XKR9: variants seen among roughly 807,000 people sequenced by gnomAD.
The protein encoded by XKR9 is XK-related protein 9.
XKR9 carries 32 observed loss-of-function variants against 32.0 expected under a neutral mutation model. The ratio of observed to expected loss-of-function variants is 1.00; its 90% CI spans 0.76 to 1.34. The LOEUF (loss-of-function observed/expected upper bound fraction) is 1.34. Among genes scored for constraint, XKR9 ranks in the 40% most tolerant of loss-of-function variants. The pLI, the probability that XKR9 is intolerant of heterozygous loss-of-function variation, is 0.00. For missense variants in XKR9, 546 were observed against 429.7 expected (o/e 1.27, Z -2.39); for synonymous variants, 168 against 143.4 (o/e 1.17, Z -1.22).
chr8:70,918,492 G>A, the XKR9 span, among the ~76,000 whole-genome samples: 1 of 152,114 alleles, frequency 6.6e-6, no homozygotes, highest in Non-Finnish European at 1.5e-5. Flanking sequence ...GTATAAGACA[G>A]TGCAACTGGG....
the XKR9 span, among the ~76,000 whole-genome samples, chr8:70,983,085 C>A: frequency 6.6e-6 from 1 of 152,200 alleles, no homozygotes; most frequent in Non-Finnish European, 1.5e-5. Flanking sequence ...AGTCAGATAG[C>A]AAAGTTTAGA....
downstream of XKR9, among the ~76,000 whole-genome samples, chr8:70,738,918 G>T (rs530915031): frequency 1.3e-5 from 2 of 152,152 alleles, no homozygotes; most frequent in East Asian, 3.8e-4. Flanking sequence ...AATAGGTGTG[G>T]TGTGGTACTG....
chr8:70,822,245 T>C, the XKR9 span, among the ~76,000 whole-genome samples: 1 of 152,162 alleles, frequency 6.6e-6, no homozygotes, highest in Non-Finnish European at 1.5e-5. Flanking sequence ...TTTATTTTTT[T>C]ATCCGGGCAA....
chr8:70,815,030 G>A, the XKR9 span, among the ~76,000 whole-genome samples: 8 of 152,156 alleles, frequency 5.3e-5, no homozygotes, highest in East Asian at 1.9e-4. Context: ...TAGTTTATTT[G>A]TGTAGATAAA....
the XKR9 span, among the ~76,000 whole-genome samples, chr8:70,805,760 C>T: frequency 6.6e-6 from 1 of 152,172 alleles, no homozygotes; most frequent in African/African-American, 2.4e-5. Context: ...TCTCCCTGGG[C>T]CTGAGCCCCT....
At chr8:70,786,049 C>A (rs78977674) in intron 2 of XKR9, among the ~76,000 whole-genome samples, 2,331 of 151,864 alleles carry the variant, frequency 0.015, 23 homozygotes, top group Non-Finnish European at 0.025. Context: ...TTGTTCAGGA[C>A]CATGTTGTTT....
the XKR9 span, among the ~76,000 whole-genome samples, chr8:70,896,129 T>G: frequency 4.6e-5 from 7 of 152,340 alleles, no homozygotes; most frequent in African/African-American, 1.7e-4. Context: ...TTGTTGAGGA[T>G]TTATACATCT....
chr8:70,682,556 A>G (rs1011050336), intron 3 of XKR9, among the ~76,000 whole-genome samples: 2 of 152,206 alleles, frequency 1.3e-5, no homozygotes, highest in Non-Finnish European at 2.9e-5. Flanking sequence ...TTGATTGAAT[A>G]TTACACATTG....
At chr8:70,749,932 A>G (rs1279530238) in intron 2 of XKR9, among the ~76,000 whole-genome samples, 1 of 152,216 alleles carries the variant, frequency 6.6e-6, no homozygotes, top group African/African-American at 2.4e-5. Flanking sequence ...GAGACTGTTA[A>G]ATACAAGTAG....
chr8:70,966,093 C>A, the XKR9 span, among the ~76,000 whole-genome samples: 12 of 151,880 alleles, frequency 7.9e-5, no homozygotes, highest in African/African-American at 2.9e-4. Context: ...TAGCTGTATC[C>A]CAGAGGTTCT....
the XKR9 span, among the ~76,000 whole-genome samples, chr8:70,903,441 T>C: frequency 4.6e-5 from 7 of 152,208 alleles, no homozygotes; most frequent in Admixed American, 3.9e-4. Flanking sequence ...GTTTATAGTA[T>C]TCTCTGATGG....
intron 2 of XKR9, among the ~76,000 whole-genome samples, chr8:70,675,742 C>T (rs1314622155): frequency 6.6e-6 from 1 of 152,220 alleles, no homozygotes; most frequent in Non-Finnish European, 1.5e-5. Flanking sequence ...TGCTCCACTT[C>T]TGAATAAGTT....
At chr8:70,940,630 C>T in the XKR9 span, among the ~76,000 whole-genome samples, 1 of 152,040 alleles carries the variant, frequency 6.6e-6, no homozygotes, top group Non-Finnish European at 1.5e-5. Flanking sequence ...GCCTCTGTTT[C>T]TCTCAGCATC....
intron 4 of XKR9, among the ~76,000 whole-genome samples, chr8:70,717,078 A>C (rs1052642925): frequency 6.6e-6 from 1 of 152,192 alleles, no homozygotes; most frequent in Non-Finnish European, 1.5e-5. Context: ...CTGATGCAAG[A>C]GGTGGACTCC....
chr8:70,864,046 C>T, the XKR9 span, among the ~76,000 whole-genome samples: 1 of 152,130 alleles, frequency 6.6e-6, no homozygotes, highest in Non-Finnish European at 1.5e-5. Flanking sequence ...TTAATACTTA[C>T]ACTTTAGCTT....
chr8:70,891,294 T>C, the XKR9 span, among the ~76,000 whole-genome samples: 1 of 152,006 alleles, frequency 6.6e-6, no homozygotes, highest in Non-Finnish European at 1.5e-5. Flanking sequence ...TTTTGTTTAC[T>C]TTTGCTCTGA....
At chr8:70,894,261 G>A in the XKR9 span, among the ~76,000 whole-genome samples, 2 of 151,832 alleles carry the variant, frequency 1.3e-5, no homozygotes, top group Admixed American at 1.3e-4. Context: ...GCAACAGCAA[G>A]TACCCCAAAA....
At chr8:70,998,704 C>A in the XKR9 span, among the ~76,000 whole-genome samples, 4 of 152,272 alleles carry the variant, frequency 2.6e-5, no homozygotes, top group East Asian at 7.7e-4. Context: ...ATTGTGCTTC[C>A]TTTAGTGGGG....
intron 3 of XKR9, among the ~76,000 whole-genome samples, chr8:70,693,049 A>G (rs1441517436): frequency 1.3e-5 from 2 of 152,084 alleles, no homozygotes; most frequent in African/African-American, 4.8e-5. Flanking sequence ...ATTGGTTTTC[A>G]TATGTTGAAT....
Sources: allele counts gnomAD v4.1 joint callset (sites outside exome capture counted in the v4.1 genomes callset), GRCh38; gene constraint gnomAD v4.1.1; transcripts MANE v1.5; gene names NCBI Gene and HGNC (gene_info 2026-07-23, HGNC 2026-07-21).